The following CPS1 variants were observed in gnomAD, a reference collection of about 807,000 sequenced individuals.
CPS1 encodes the protein carbamoyl-phosphate synthase [ammonia], mitochondrial.
A neutral mutation model predicts 174.6 loss-of-function variants in CPS1; 109 were observed. The ratio of observed to expected loss-of-function variants is 0.62; its 90% CI spans 0.53 to 0.73. The LOEUF is 0.73. CPS1 is among the 30% of genes least tolerant of loss of function. The probability of loss-of-function intolerance (pLI) is 0.00; values close to 1 mark genes in which losing one functional copy is unlikely to be tolerated. For synonymous variants in CPS1, 637 were observed against 632.0 expected (o/e 1.01, Z -0.12); for missense variants, 1,689 against 1,821.9 (o/e 0.93, Z 1.33).
intron 27 of CPS1, among the ~76,000 whole-genome samples, chr2:210,649,094 CA>C (rs1700481313): frequency 6.6e-6 from 1 of 152,132 alleles, no homozygotes; most frequent in Non-Finnish European, 1.5e-5. Context: ...GATGTTACCA[CA>C]TGTAAGGAAC....
chr2:210,481,708 A>G (rs1420295566), intron 1 of CPS1, among the ~76,000 whole-genome samples: 1 of 152,234 alleles, frequency 6.6e-6, no homozygotes, highest in Non-Finnish European at 1.5e-5. Context: ...CCTAGTAGCC[A>G]CGTTATTTGT....
At chr2:210,534,945 T>C (rs1696208097) in intron 1 of CPS1, among the ~76,000 whole-genome samples, 1 of 152,190 alleles carries the variant, frequency 6.6e-6, no homozygotes, top group African/African-American at 2.4e-5. Context: ...AGCAGTTCTC[T>C]TCTAGCTTGG....
chr2:210,605,853 G>A (rs1268185853), intron 17 of CPS1, among the ~76,000 whole-genome samples: 2 of 151,852 alleles, frequency 1.3e-5, no homozygotes, highest in Admixed American at 1.3e-4. Context: ...CAAGGACATA[G>A]GTATAGAAAG....
chr2:210,532,455 A>G (rs1244405711), intron 1 of CPS1, among the ~76,000 whole-genome samples: 1 of 152,194 alleles, frequency 6.6e-6, no homozygotes, highest in East Asian at 1.9e-4. Context: ...AGTTATACAT[A>G]AATCTGAAGT....
At chr2:210,556,543 TAAGAGAAGGAGGAGCTGTGGCTG>T, upstream of CPS1, 1 of 1,480,110 alleles carries the variant, frequency 6.8e-7, no homozygotes, top group Non-Finnish European at 9.0e-7. Context: ...GAGGAGGGGT[TAAGAGAAGGAGGAGCTGTGGCTG>T]AAGACATTTA....
intron 1 of CPS1, among the ~76,000 whole-genome samples, chr2:210,503,539 C>G (rs562770348): frequency 1.3e-5 from 2 of 152,202 alleles, no homozygotes; most frequent in South Asian, 2.1e-4. Flanking sequence ...TTACCTTTAT[C>G]TTTTCCCTTT....
At chr2:210,522,275 A>T (rs1425001122) in intron 1 of CPS1, among the ~76,000 whole-genome samples, 5 of 151,986 alleles carry the variant, frequency 3.3e-5, no homozygotes, top group Admixed American at 3.3e-4. Context: ...TTATGTTTTC[A>T]TGTTCTTAAC....
At chr2:210,508,289 A>G (rs1430714398) in intron 1 of CPS1, among the ~76,000 whole-genome samples, 1 of 152,040 alleles carries the variant, frequency 6.6e-6, no homozygotes, top group Non-Finnish European at 1.5e-5. Context: ...CTGGGTACAT[A>G]ATGAAATGAA....
chr2:210,613,907 C>A (rs1699217034), intron 20 of CPS1, among the ~76,000 whole-genome samples: 1 of 151,892 alleles, frequency 6.6e-6, no homozygotes, highest in East Asian at 1.9e-4. Context: ...CATTACTGTT[C>A]ATTTCAACAG....
intron 25 of CPS1, among the ~76,000 whole-genome samples, chr2:210,643,305 C>T (rs984871235): frequency 6.6e-6 from 1 of 151,950 alleles, no homozygotes; most frequent in Non-Finnish European, 1.5e-5. Context: ...GACTGTAGAA[C>T]AAAATAAATT....
intron 1 of CPS1, among the ~76,000 whole-genome samples, chr2:210,518,994 C>T (rs1225074514): frequency 1.3e-5 from 2 of 151,922 alleles, no homozygotes; most frequent in African/African-American, 4.8e-5. Context: ...CTTCTCTCAC[C>T]AATTATGTGA....
intron 1 of CPS1, among the ~76,000 whole-genome samples, chr2:210,497,445 T>G (rs1385878804): frequency 6.6e-6 from 1 of 152,126 alleles, no homozygotes; most frequent in Non-Finnish European, 1.5e-5. Context: ...GTTTGTTACA[T>G]AGGTATATTG....
intron 1 of CPS1, among the ~76,000 whole-genome samples, chr2:210,505,724 G>A (rs1204951933): frequency 6.6e-6 from 1 of 152,182 alleles, no homozygotes; most frequent in Non-Finnish European, 1.5e-5. Flanking sequence ...TTAGCAAACG[G>A]CACACCAGGA....
chr2:210,481,503 A>G (rs903795965), intron 1 of CPS1, among the ~76,000 whole-genome samples: 1 of 152,186 alleles, frequency 6.6e-6, no homozygotes, highest in Non-Finnish European at 1.5e-5. Flanking sequence ...GAAAGATGAT[A>G]TATTACCAAA....
chr2:210,556,601 A>G lies in CPS1; in HGVS notation c.-133A>G. On this transcript the variant is annotated 5_prime_UTR_variant, in exon 1 of 38. Transcript: ENST00000233072. ...AATGGCAGAATGAATGGAAATTCAAAGATCGCTGTGCAGTCAGCCTTAAAC... is the reference window on the plus strand; with the variant it reads ...AATGGCAGAATGAATGGAAATTCAAGGATCGCTGTGCAGTCAGCCTTAAAC... The G allele has an allele frequency of 1.3e-6, 2 of 1,497,782 alleles. No homozygotes were observed. The highest frequency in any genetic ancestry group is 1.8e-6 in the Non-Finnish European group (2 of 1,124,710). The allele number at this position is 1,497,782 out of a possible 1,614,324, so 92.8% of individuals were successfully genotyped here.
At chr2:210,497,126 T>C (rs1305752293) in intron 1 of CPS1, among the ~76,000 whole-genome samples, 1 of 152,142 alleles carries the variant, frequency 6.6e-6, no homozygotes, top group Non-Finnish European at 1.5e-5. Context: ...GATTTCATCT[T>C]ACTATTTGGT....
chr2:210,544,068 G>A (rs1303240274), intron 1 of CPS1, among the ~76,000 whole-genome samples: 1 of 152,014 alleles, frequency 6.6e-6, no homozygotes, highest in East Asian at 1.9e-4. Context: ...ACTGATTTGC[G>A]CAGTTTTTAG....
rs1307496743 is a variant in CPS1 at position 210,678,367 on chromosome 2, A to G, written c.*382A>G. 1.0e-5 allele frequency: 3 copies of G among 288,726 alleles called. No individual in the cohort carries two copies. Among genetic ancestry groups the G allele is most frequent in the African/African-American group, 4.4e-5 (2 of 45,104 alleles). 17.9% of individuals were successfully genotyped at this position (288,726 alleles called of 1,614,324 possible). ...TAAGATACTCTATTTTTAAAACACT[A>G]TCTGCAAACTCAGGACACTTTAACA... On this transcript the variant is annotated 3_prime_UTR_variant, in exon 38 of 38. Coordinates refer to ENST00000233072, the MANE Select transcript of CPS1 (RefSeq NM_001875.5).
At chr2:210,627,935 C>A (rs1171569145) in intron 21 of CPS1, among the ~76,000 whole-genome samples, 1 of 152,058 alleles carries the variant, frequency 6.6e-6, no homozygotes, top group Non-Finnish European at 1.5e-5. Context: ...CACTTATTAC[C>A]TTCTTGGTGT....
Sources: allele counts gnomAD v4.1 joint callset (sites outside exome capture counted in the v4.1 genomes callset), GRCh38; gene constraint gnomAD v4.1.1; transcripts MANE v1.5; gene names NCBI Gene and HGNC (gene_info 2026-07-23, HGNC 2026-07-21).